AP4S1: variants seen among roughly 807,000 people sequenced by gnomAD.
AP4S1 encodes the protein AP-4 complex subunit sigma-1.
AP4S1 carries 23 observed loss-of-function variants against 19.8 expected under a neutral mutation model. The ratio of observed to expected loss-of-function variants is 1.16; its 90% CI spans 0.84 to 1.65. The LOEUF (loss-of-function observed/expected upper bound fraction) is 1.65, where lower values mean the gene tolerates loss of function less well. Among genes scored for constraint, AP4S1 ranks in the 40% most tolerant of loss-of-function variants. The probability of loss-of-function intolerance (pLI) is 0.00; values close to 1 mark genes in which losing one functional copy is unlikely to be tolerated. For missense variants in AP4S1, 166 were observed against 172.8 expected, an observed-to-expected ratio of 0.96 and a Z score of 0.22; for synonymous variants, 46 against 54.1, an observed-to-expected ratio of 0.85 and a Z score of 0.66.
intron 1 of AP4S1, among the ~76,000 whole-genome samples, chr14:31,054,679 A>G (rs1169902530): frequency 6.6e-6 from 1 of 151,650 alleles, no homozygotes; most frequent in Non-Finnish European, 1.5e-5. Context: ...ACAGAGCAAG[A>G]CTCTGTCTCA....
chr14:31,028,295 A>C (rs1884167381), intron 1 of AP4S1, among the ~76,000 whole-genome samples: 1 of 151,296 alleles, frequency 6.6e-6, no homozygotes. Flanking sequence ...CTCCCACTTT[A>C]GCCTCCTGAT....
intron 1 of AP4S1, among the ~76,000 whole-genome samples, chr14:31,035,217 A>C (rs1370643089): frequency 2.0e-5 from 2 of 101,058 alleles, no homozygotes; most frequent in Non-Finnish European, 3.6e-5. Flanking sequence ...TTTTTTTGAG[A>C]TGGAGTCTAG....
At position 31,046,879 on chromosome 14, in the gene AP4S1, G is replaced by T. The variant is rs568178868; in HGVS notation, c.-71-19247G>T. Among the ~76,000 whole-genome samples the T allele has an allele frequency of 6.6e-4, 100 of 151,146 alleles. 1 individual carries two copies. The highest frequency in any genetic ancestry group is 2.4e-3 in the African/African-American group (97 of 41,226). On this transcript the variant is annotated intron_variant, in intron 1 of 5. Transcript: ENST00000542754. ...AAAAAAAAAAAGAAGAAGTAGAATT[G>T]CTGGATAATATGGTAAATTTGTGTT...
chr14:31,036,603 A>G (rs1173708669), intron 1 of AP4S1, among the ~76,000 whole-genome samples: 1 of 152,296 alleles, frequency 6.6e-6, no homozygotes, highest in Middle Eastern at 3.4e-3. Flanking sequence ...TGCTCAGTGA[A>G]GGGCCTGTCC....
chr14:31,086,870 T>G (rs1267250919), intron 5 of AP4S1, among the ~76,000 whole-genome samples: 4 of 151,980 alleles, frequency 2.6e-5, no homozygotes, highest in East Asian at 1.9e-4. Flanking sequence ...GTAAAAAAAT[T>G]TTTTTACAGT....
chr14:31,073,575 GCTTT>G (rs1233941273), intron 4 of AP4S1, among the ~76,000 whole-genome samples: 2 of 150,300 alleles, frequency 1.3e-5, no homozygotes, highest in Non-Finnish European at 3.0e-5. Context: ...TCTTCCCTCT[GCTTT>G]CTTTTTTTAT....
rs183708019 is a variant in AP4S1, at chr14:31,073,468, C to G, written c.294+495C>G. Reference sequence around the variant, plus strand: ...TCCCGCCACTGCACTCCAGCCTGGGCAACAGAGCGAGACTCCGTCTCAGAA... The same window carrying G: ...TCCCGCCACTGCACTCCAGCCTGGGGAACAGAGCGAGACTCCGTCTCAGAA... On this transcript the variant is annotated intron_variant, in intron 4 of 5. Transcript: ENST00000542754. Among the ~76,000 whole-genome samples, 57 of 145,456 alleles carry G rather than the reference C, an allele frequency of 3.9e-4. No individual in the cohort carries two copies. In the East Asian group the frequency reaches 0.01, roughly 26 times the overall value.
At chr14:31,035,340 A>C (rs1275354441) in intron 1 of AP4S1, among the ~76,000 whole-genome samples, 2 of 150,588 alleles carry the variant, frequency 1.3e-5, no homozygotes, top group Admixed American at 1.3e-4. Context: ...GATTACAAGC[A>C]CACGCCGCCA....
Position 31,050,823 on chromosome 14 carries a change from A to G in AP4S1, c.-71-15303A>G, listed in dbSNP as rs74042120. 3.1e-3 allele frequency among the ~76,000 whole-genome samples: 477 copies of G among 152,192 alleles called. 1 individual carries two copies. The highest frequency in any genetic ancestry group is 0.011 in the African/African-American group (448 of 41,536). ...ATTCCGGGCTCCCCTCCACGATACC[A>G]TGTTGCATTTAGTCATCTTATTTCC... is the stretch of plus-strand genomic sequence containing the variant. On this transcript the variant is annotated intron_variant, in intron 1 of 5. Coordinates refer to ENST00000542754, the MANE Select transcript of AP4S1 (RefSeq NM_001128126.3).
chr14:31,074,719 A>T (rs928971750), intron 4 of AP4S1, among the ~76,000 whole-genome samples: 2 of 152,114 alleles, frequency 1.3e-5, no homozygotes, highest in Non-Finnish European at 2.9e-5. Context: ...CTGGGTGTGG[A>T]GGCAAGCATC....
chr14:31,068,076 C>G (rs1886821227), intron 2 of AP4S1, among the ~76,000 whole-genome samples: 1 of 152,100 alleles, frequency 6.6e-6, no homozygotes, highest in African/African-American at 2.4e-5. Context: ...CCATGTTGGT[C>G]AGGCTGGTCT....
At chr14:31,059,979 ATATATGTATATATATT>A (rs1886334587) in intron 1 of AP4S1, among the ~76,000 whole-genome samples, 1 of 72,006 alleles carries the variant, frequency 1.4e-5, no homozygotes, top group Non-Finnish European at 3.0e-5. Context: ...GTATTTATGT[ATATATGTATATATATT>A]TATATGTATT....
intron 4 of AP4S1, among the ~76,000 whole-genome samples, chr14:31,073,444 C>G (rs1447453182): frequency 5.0e-5 from 7 of 140,524 alleles, no homozygotes; most frequent in East Asian, 2.1e-4. Flanking sequence ...GAGCCGAGAT[C>G]CCGCCACTGC....
intron 4 of AP4S1, among the ~76,000 whole-genome samples, chr14:31,077,247 T>G (rs2139087165): frequency 6.6e-6 from 1 of 152,336 alleles, no homozygotes; most frequent in African/African-American, 2.4e-5. Flanking sequence ...AGCACAAGCT[T>G]ATTTTTTAAA....
intron 1 of AP4S1, among the ~76,000 whole-genome samples, chr14:31,051,751 C>A (rs1002401322): frequency 6.6e-6 from 1 of 152,150 alleles, no homozygotes; most frequent in Non-Finnish European, 1.5e-5. Context: ...ACTTCCCCCT[C>A]CCGGGTTCAG....
intron 1 of AP4S1, among the ~76,000 whole-genome samples, chr14:31,055,259 GTTA>G (rs1004128599): frequency 4.6e-5 from 7 of 151,986 alleles, no homozygotes; most frequent in African/African-American, 1.4e-4. Flanking sequence ...CAATAAAATG[GTTA>G]TTATATAGAC....
intron 1 of AP4S1, among the ~76,000 whole-genome samples, chr14:31,033,744 C>T (rs984871857): frequency 1.3e-5 from 2 of 152,184 alleles, no homozygotes; most frequent in Non-Finnish European, 2.9e-5. Context: ...AGGCAGGGCA[C>T]TTGAACCCTT....
intron 1 of AP4S1, among the ~76,000 whole-genome samples, chr14:31,059,121 T>C (rs546044406): frequency 1.1e-3 from 172 of 152,332 alleles, no homozygotes; most frequent in African/African-American, 4.1e-3. Flanking sequence ...GTATATTCTA[T>C]AGTAAAAATA....
intron 1 of AP4S1, among the ~76,000 whole-genome samples, chr14:31,046,183 C>T (rs1885390508): frequency 6.6e-6 from 1 of 152,002 alleles, no homozygotes; most frequent in Admixed American, 6.6e-5. Context: ...TCTGGAATTC[C>T]TGCCCTCAGG....
Sources: allele counts gnomAD v4.1 joint callset (sites outside exome capture counted in the v4.1 genomes callset), GRCh38; gene constraint gnomAD v4.1.1; transcripts MANE v1.5; gene names NCBI Gene and HGNC (gene_info 2026-07-23, HGNC 2026-07-21).